Variants in AGMO observed in about 807,000 individuals in gnomAD.
The protein encoded by AGMO is alkylglycerol monooxygenase, also known as glyceryl-ether monooxygenase.
A neutral mutation model predicts 60.2 loss-of-function variants in AGMO; 75 were observed. The observed-to-expected ratio is 1.25, with a 90% CI of 1.03 to 1.51. The LOEUF (loss-of-function observed/expected upper bound fraction) is 1.51, where lower values mean the gene tolerates loss of function less well. Among genes scored for constraint, AGMO ranks in the 40% most tolerant of loss-of-function variants. The pLI, the probability that AGMO is intolerant of heterozygous loss-of-function variation, is 0.00. For synonymous variants in AGMO, 261 were observed against 177.1 expected, an observed-to-expected ratio of 1.47 and a Z score of -3.76; for missense variants, 763 against 525.5, an observed-to-expected ratio of 1.45 and a Z score of -4.42.
At chr7:15,253,459 G>T (rs1241294651) in intron 12 of AGMO, among the ~76,000 whole-genome samples, 1 of 152,134 alleles carries the variant, frequency 6.6e-6, no homozygotes, top group African/African-American at 2.4e-5. Context: ...AGAAGGGAAT[G>T]GATGGGAAGA....
At chr7:15,447,162 A>G (rs1486727837) in intron 3 of AGMO, among the ~76,000 whole-genome samples, 1 of 152,220 alleles carries the variant, frequency 6.6e-6, no homozygotes, top group Non-Finnish European at 1.5e-5. Context: ...AGTTTCCTCT[A>G]TCATTAAAAG....
intron 12 of AGMO, among the ~76,000 whole-genome samples, chr7:15,302,005 G>A (rs1449956934): frequency 6.6e-6 from 1 of 152,028 alleles, no homozygotes; most frequent in African/African-American, 2.4e-5. Flanking sequence ...TTTTCTTAAT[G>A]TTTTATTTAC....
intron 12 of AGMO, among the ~76,000 whole-genome samples, chr7:15,239,492 A>G (rs1782526475): frequency 6.6e-6 from 1 of 152,094 alleles, no homozygotes; most frequent in Non-Finnish European, 1.5e-5. Flanking sequence ...AATCTCTATG[A>G]AGGTTAGGTA....
At chr7:15,217,888 ATTAT>A (rs1285123391) in intron 12 of AGMO, among the ~76,000 whole-genome samples, 3 of 152,054 alleles carry the variant, frequency 2.0e-5, no homozygotes, top group Non-Finnish European at 2.9e-5. Context: ...GAGAAATATT[ATTAT>A]TTATTTATTT....
chr7:15,375,363 G>A (rs768499641), intron 10 of AGMO, among the ~76,000 whole-genome samples: 14 of 149,044 alleles, frequency 9.4e-5, no homozygotes, highest in Admixed American at 1.3e-4. Flanking sequence ...TTCAGAGACA[G>A]ATCAGACTTT....
chr7:15,376,897 G>C (rs868528325), intron 10 of AGMO, among the ~76,000 whole-genome samples: 4 of 152,004 alleles, frequency 2.6e-5, no homozygotes, highest in Admixed American at 6.6e-5. Context: ...CAGTAAGAAA[G>C]GAATGTGTCT....
At chr7:15,243,558 G>A (rs542940297) in intron 12 of AGMO, among the ~76,000 whole-genome samples, 11 of 152,256 alleles carry the variant, frequency 7.2e-5, no homozygotes, top group South Asian at 4.1e-4. Context: ...GAGTTTGCAT[G>A]ATCGTGGCTG....
intron 10 of AGMO, among the ~76,000 whole-genome samples, chr7:15,376,400 A>G (rs954432057): frequency 6.6e-6 from 1 of 152,030 alleles, no homozygotes; most frequent in African/African-American, 2.4e-5. Flanking sequence ...TTTTTTCAGC[A>G]GCTTTATTAA....
rs146726736 is a variant in AGMO at position 15,447,401 on chromosome 7, A to T, written c.410-16293T>A. On this transcript the variant is annotated intron_variant, in intron 3 of 12. Transcript: ENST00000342526. ...ATGAACACTTGCAACATTAAGTAAAATGAAAGGAATTCACGTAACTTGACA... is the reference window on the plus strand; with the variant it reads ...ATGAACACTTGCAACATTAAGTAAATTGAAAGGAATTCACGTAACTTGACA... Among the ~76,000 whole-genome samples, 201 of 152,332 alleles carry T rather than the reference A, an allele frequency of 1.3e-3. 1 individual carries two copies. Among genetic ancestry groups the T allele is most frequent in the African/African-American group, 4.5e-3 (187 of 41,580 alleles).
chr7:15,184,327 GAGGA>G, the AGMO span, among the ~76,000 whole-genome samples: 1 of 102,786 alleles, frequency 9.7e-6, no homozygotes, highest in Non-Finnish European at 1.9e-5. Flanking sequence ...AGGAGGGAAG[GAGGA>G]AGGAAGGAAG....
At chr7:15,464,251 C>T (rs1404913017) in intron 3 of AGMO, among the ~76,000 whole-genome samples, 1 of 152,186 alleles carries the variant, frequency 6.6e-6, no homozygotes, top group African/African-American at 2.4e-5. Context: ...TAGCTCATCT[C>T]TCCATAAAAA....
the AGMO span, among the ~76,000 whole-genome samples, chr7:15,187,228 G>A: frequency 6.6e-6 from 1 of 152,122 alleles, no homozygotes; most frequent in Admixed American, 6.5e-5. Context: ...TGGAAAATTA[G>A]AGTATCTATG....
At chr7:15,454,725 A>G (rs1781953849) in intron 3 of AGMO, among the ~76,000 whole-genome samples, 1 of 152,070 alleles carries the variant, frequency 6.6e-6, no homozygotes, top group East Asian at 1.9e-4. Flanking sequence ...ATATATGATC[A>G]CCATCGTTTC....
intron 3 of AGMO, among the ~76,000 whole-genome samples, chr7:15,495,569 T>C (rs1783199651): frequency 6.6e-6 from 1 of 152,226 alleles, no homozygotes; most frequent in Non-Finnish European, 1.5e-5. Context: ...CTGTAACTCA[T>C]AGCTTCCCAT....
In AGMO at chr7:15,432,352, A is replaced by G. The variant is rs1781273334; in HGVS notation, c.410-1244T>C. Among the ~76,000 whole-genome samples the G allele has an allele frequency of 3.0e-5, 3 of 100,036 alleles. No homozygotes were observed. The South Asian group carries it at 9.4e-4, about 31-fold the overall frequency. The allele number at this position is 100,036 out of a possible 152,430, so 65.6% of individuals were successfully genotyped here. Reference sequence around the variant, plus strand: ...TGTATATATATATATATATACATACATATATATATACACACACATATATAT... The same window carrying G: ...TGTATATATATATATATATACATACGTATATATATACACACACATATATAT... On this transcript the variant is annotated intron_variant, in intron 3 of 12. Coordinates refer to ENST00000342526, the MANE Select transcript of AGMO (RefSeq NM_001004320.2).
chr7:15,250,346 C>T (rs1782893396), intron 12 of AGMO, among the ~76,000 whole-genome samples: 1 of 152,052 alleles, frequency 6.6e-6, no homozygotes, highest in Admixed American at 6.6e-5. Flanking sequence ...GATTCATATA[C>T]ATGAAAAATT....
At chr7:15,228,694 G>C (rs1473297357) in intron 12 of AGMO, among the ~76,000 whole-genome samples, 1 of 152,056 alleles carries the variant, frequency 6.6e-6, no homozygotes, top group Non-Finnish European at 1.5e-5. Context: ...AAATGATCTG[G>C]CATTTATTCA....
downstream of AGMO, among the ~76,000 whole-genome samples, chr7:15,195,800 C>T (rs894831776): frequency 6.6e-6 from 1 of 152,162 alleles, no homozygotes; most frequent in South Asian, 2.1e-4. Context: ...TCCTCATAAT[C>T]TGCCCAAATA....
intron 12 of AGMO, among the ~76,000 whole-genome samples, chr7:15,336,436 A>G (rs1781663400): frequency 6.6e-6 from 1 of 152,144 alleles, no homozygotes; most frequent in Non-Finnish European, 1.5e-5. Context: ...AAAGAAAAAA[A>G]AACACCAGTA....
Sources: allele counts gnomAD v4.1 joint callset (sites outside exome capture counted in the v4.1 genomes callset), GRCh38; gene constraint gnomAD v4.1.1; transcripts MANE v1.5; gene names NCBI Gene and HGNC (gene_info 2026-07-23, HGNC 2026-07-21).